CTNNA3: variants seen among roughly 807,000 people sequenced by gnomAD.
The protein encoded by CTNNA3 is catenin alpha 3.
In CTNNA3, 76 loss-of-function variants were observed where a neutral mutation model predicts 95.7. The observed-to-expected ratio is 0.79, with a 90% confidence interval of 0.66 to 0.96. CTNNA3 has a LOEUF of 0.96. Ranked by LOEUF, CTNNA3 falls within the 40% of genes least tolerant of loss-of-function variation. The pLI, the probability that CTNNA3 is intolerant of heterozygous loss-of-function variation, is 0.00. For missense variants in CTNNA3, 1,191 were observed against 1,089.8 expected, an observed-to-expected ratio of 1.09 and a Z score of -1.31; for synonymous variants, 431 against 374.4, an observed-to-expected ratio of 1.15 and a Z score of -1.74.
At chr10:67,607,620 C>T (rs1001163990) in intron 2 of CTNNA3, among the ~76,000 whole-genome samples, 4 of 152,126 alleles carry the variant, frequency 2.6e-5, no homozygotes, top group Admixed American at 2.6e-4. Context: ...CTGCATAGTT[C>T]AAACCAGTGT....
intron 9 of CTNNA3, among the ~76,000 whole-genome samples, chr10:66,718,401 T>G (rs889341185): frequency 1.3e-5 from 2 of 151,984 alleles, no homozygotes; most frequent in African/African-American, 4.8e-5. Flanking sequence ...TCTTAATAGT[T>G]CTCCATTGTT....
At chr10:67,758,353 CACAT>C (rs1216066695) in intron 1 of CTNNA3, among the ~76,000 whole-genome samples, 5 of 148,062 alleles carry the variant, frequency 3.4e-5, no homozygotes, top group East Asian at 2.0e-4. Flanking sequence ...CACACACACA[CACAT>C]ATATCTTAGC....
chr10:67,707,530 T>C (rs1454068957), intron 1 of CTNNA3, among the ~76,000 whole-genome samples: 1 of 152,164 alleles, frequency 6.6e-6, no homozygotes, highest in African/African-American at 2.4e-5. Context: ...CATAGAGGTC[T>C]TTCTTTACTA....
At chr10:66,347,017 T>C (rs962755208) in intron 12 of CTNNA3, among the ~76,000 whole-genome samples, 4 of 151,940 alleles carry the variant, frequency 2.6e-5, no homozygotes, top group African/African-American at 9.7e-5. Flanking sequence ...AAACAACAAA[T>C]ATCAGATTTA....
At chr10:65,975,826 T>C (rs12781534) in intron 16 of CTNNA3, among the ~76,000 whole-genome samples, 32,676 of 152,096 alleles carry the variant, frequency 0.21, 3,995 homozygotes, top group Middle Eastern at 0.35. Flanking sequence ...ATCTCTTCTA[T>C]AGGGCATTCT....
At chr10:67,688,084 T>C (rs927383658) in intron 1 of CTNNA3, among the ~76,000 whole-genome samples, 1 of 152,208 alleles carries the variant, frequency 6.6e-6, no homozygotes, top group Admixed American at 6.5e-5. Flanking sequence ...CCTAATAGCA[T>C]GATATCTCTC....
chr10:67,150,787 G>A (rs1267048659), intron 7 of CTNNA3, among the ~76,000 whole-genome samples: 1 of 152,168 alleles, frequency 6.6e-6, no homozygotes, highest in Non-Finnish European at 1.5e-5. Context: ...ATCATGGGGA[G>A]ATGTAAGGAG....
intron 1 of CTNNA3, among the ~76,000 whole-genome samples, chr10:67,703,677 T>G (rs952846033): frequency 2.0e-5 from 3 of 152,208 alleles, no homozygotes; most frequent in South Asian, 2.1e-4. Flanking sequence ...TCATACTGAA[T>G]GGGCAAACAC....
chr10:65,983,694 G>A (rs144618665), intron 16 of CTNNA3, among the ~76,000 whole-genome samples: 2 of 151,480 alleles, frequency 1.3e-5, no homozygotes, highest in African/African-American at 4.8e-5. Context: ...GCATACTTAA[G>A]CCTTTTTTGA....
chr10:67,227,121 T>C (rs10082487), intron 5 of CTNNA3, among the ~76,000 whole-genome samples: 51,090 of 148,164 alleles, frequency 0.34, 13,678 homozygotes, highest in African/African-American at 0.76. Flanking sequence ...GATGGAGTTT[T>C]GCTCTTGTTG....
intron 5 of CTNNA3, among the ~76,000 whole-genome samples, chr10:67,388,760 A>T (rs1444654958): frequency 6.6e-6 from 1 of 152,110 alleles, no homozygotes; most frequent in African/African-American, 2.4e-5. Context: ...AATATTCAAC[A>T]TTCTTAAAGA....
chr10:66,966,039 G>T (rs1306067747), intron 7 of CTNNA3, among the ~76,000 whole-genome samples: 1 of 152,138 alleles, frequency 6.6e-6, no homozygotes, highest in Admixed American at 6.6e-5. Flanking sequence ...TGAGTCTTTT[G>T]CTTCCTTCAC....
chr10:67,465,950 G>A (rs540262625), intron 5 of CTNNA3, among the ~76,000 whole-genome samples: 30 of 152,164 alleles, frequency 2.0e-4, no homozygotes, highest in Admixed American at 3.3e-4. Context: ...TCACTTGCAT[G>A]GTTTTATCTC....
intron 10 of CTNNA3, among the ~76,000 whole-genome samples, chr10:66,611,771 C>T (rs1844338199): frequency 6.6e-6 from 1 of 152,150 alleles, no homozygotes; most frequent in African/African-American, 2.4e-5. Context: ...CCCTGACTTT[C>T]CTCTTACTTT....
intron 5 of CTNNA3, among the ~76,000 whole-genome samples, chr10:67,454,743 C>T (rs754666607): frequency 2.6e-5 from 4 of 151,726 alleles, no homozygotes; most frequent in Non-Finnish European, 5.9e-5. Flanking sequence ...AGAAAATGAG[C>T]CAAACAAAAG....
chr10:66,670,573 G>A (rs1478373840), intron 9 of CTNNA3, among the ~76,000 whole-genome samples: 1 of 151,994 alleles, frequency 6.6e-6, no homozygotes, highest in Non-Finnish European at 1.5e-5. Flanking sequence ...TTCTCTTCTA[G>A]GCTCCCCTCA....
At chr10:67,327,340 C>T (rs1841580289) in intron 5 of CTNNA3, among the ~76,000 whole-genome samples, 1 of 152,192 alleles carries the variant, frequency 6.6e-6, no homozygotes, top group Non-Finnish European at 1.5e-5. Flanking sequence ...CTGATTCCTT[C>T]TCATCTTTGT....
chr10:66,944,692 C>T (rs1848192844), intron 7 of CTNNA3, among the ~76,000 whole-genome samples: 1 of 152,050 alleles, frequency 6.6e-6, no homozygotes, highest in South Asian at 2.1e-4. Context: ...AATTATCATC[C>T]AAGACAGCAA....
intron 4 of CTNNA3, among the ~76,000 whole-genome samples, chr10:67,530,155 G>A (rs10997696): frequency 0.16 from 24,421 of 152,126 alleles, 3,111 homozygotes; most frequent in East Asian, 0.67. Flanking sequence ...TTAGCAGCAT[G>A]AAAACAGACT....
Sources: allele counts gnomAD v4.1 joint callset (sites outside exome capture counted in the v4.1 genomes callset), GRCh38; gene constraint gnomAD v4.1.1; transcripts MANE v1.5; gene names NCBI Gene and HGNC (gene_info 2026-07-23, HGNC 2026-07-21).